PCDHGA3: variants seen among roughly 807,000 people sequenced by gnomAD.
PCDHGA3 encodes protocadherin gamma subfamily A, 3.
A neutral mutation model predicts 58.5 loss-of-function variants in PCDHGA3; 40 were observed. The observed-to-expected ratio is 0.68, with a 90% CI of 0.53 to 0.89. PCDHGA3 has a LOEUF of 0.89. Among genes scored for constraint, PCDHGA3 ranks in the 40% least tolerant of loss-of-function variants. The pLI is 0.00. For missense variants in PCDHGA3, 1,223 were observed against 1,195.9 expected (o/e 1.02, Z -0.33); for synonymous variants, 530 against 525.7 (o/e 1.01, Z -0.11).
chr5:141,364,528 C>A (rs1445482375), intron 1 of PCDHGA3: 2 of 1,613,930 alleles, frequency 1.2e-6, no homozygotes, highest in Non-Finnish European at 1.7e-6. Context: ...GAGTCCGCAT[C>A]GTCTCCAGAG....
chr5:141,485,607 C>T lies in PCDHGA3; in HGVS notation c.2425-9200C>T. On this transcript the variant is annotated intron_variant, in intron 1 of 3. Coordinates refer to ENST00000253812, the MANE Select transcript of PCDHGA3 (RefSeq NM_018916.4). The surrounding 1 kb of genome is among the most constrained non-coding windows in gnomAD (Gnocchi z 5.7). ...CAGCTGGACTTGGAAATTGGGGAGG[C>T]AGCTCCTCCAGGACAGCGTTTCCCG... is the stretch of plus-strand genomic sequence containing the variant. 1 of 1,612,008 alleles carries T rather than the reference C, an allele frequency of 6.2e-7. No individual in the cohort carries two copies. The highest frequency in any genetic ancestry group is 8.5e-7 in the Non-Finnish European group (1 of 1,178,534).
intron 1 of PCDHGA3, chr5:141,384,518 C>A: frequency 1.2e-6 from 2 of 1,614,192 alleles, no homozygotes; most frequent in South Asian, 2.2e-5. Context: ...AGCGGGGACC[C>A]GCCTCTCAGC....
intron 1 of PCDHGA3, chr5:141,351,697 C>A (rs1257912635): frequency 6.2e-7 from 1 of 1,613,970 alleles, no homozygotes; most frequent in Non-Finnish European, 8.5e-7. Flanking sequence ...ATTTGGGACC[C>A]AACGGCAGAG....
At chr5:141,464,883 T>G (rs995385615) in intron 1 of PCDHGA3, among the ~76,000 whole-genome samples, 1 of 152,086 alleles carries the variant, frequency 6.6e-6, no homozygotes, top group African/African-American at 2.4e-5. Flanking sequence ...GGACTACAGA[T>G]GGATGCCACC....
intron 1 of PCDHGA3, chr5:141,365,125 C>A (rs373921082): frequency 1.2e-6 from 2 of 1,613,766 alleles, no homozygotes; most frequent in African/African-American, 1.3e-5. Context: ...TCATGCTAAC[C>A]GCCACGGATC....
chr5:141,474,093 C>G (rs2099341169), intron 1 of PCDHGA3, among the ~76,000 whole-genome samples: 1 of 152,098 alleles, frequency 6.6e-6, no homozygotes, highest in African/African-American at 2.4e-5. Flanking sequence ...AAAAAACAAA[C>G]AACAACAAAA....
chr5:141,421,464 T>A lies in PCDHGA3; in HGVS notation c.2425-73343T>A, dbSNP rs773727821. ...GGAAGACACAGCTTTTCGCTGTGAA[T>A]CCGCGAAGCGGCAGCTTGATCACGG... On this transcript the variant is annotated intron_variant, in intron 1 of 3. Transcript: ENST00000253812. 17 of 1,613,972 alleles carry A rather than the reference T, an allele frequency of 1.1e-5. No individual in the cohort carries two copies. In the East Asian group the frequency reaches 3.6e-4, roughly 34 times the overall value.
chr5:141,384,134 G>A (rs746106528), intron 1 of PCDHGA3: 1 of 1,611,962 alleles, frequency 6.2e-7, no homozygotes, highest in Admixed American at 1.7e-5. Flanking sequence ...AACTTGGACC[G>A]GGAAACACTC....
rs1040272495 is a variant in PCDHGA3, at chr5:141,345,349, C to T, written c.1316C>T (p.Thr439Ile). The T allele has an allele frequency of 3.1e-6, 5 of 1,613,964 alleles. No homozygotes were observed. The highest frequency in any genetic ancestry group is 4.2e-6 in the Non-Finnish European group (5 of 1,179,830). The change falls in exon 1 of 4, where the codon ACC becomes ATC. Residue 439 changes from threonine to isoleucine, a missense_variant. By Grantham distance (89) the Thr-to-Ile change is moderately conservative. Transcript: ENST00000253812. The stretch of plus-strand genomic sequence containing the variant: ...CCACTGTCCACAGAAACTCACATCA[C>T]CCTGCATGTGATTGACATCAATGAC... ...SPPLSTETHI[T>I]LHVIDINDNP...
At chr5:141,351,267 A>G (rs1469509161) in intron 1 of PCDHGA3, 1 of 1,614,032 alleles carries the variant, frequency 6.2e-7, no homozygotes, top group Admixed American at 1.7e-5. Context: ...ATTGTTGACG[A>G]GAATGACAAT....
chr5:141,405,059 G>A (rs374581472), intron 1 of PCDHGA3: 22 of 1,613,900 alleles, frequency 1.4e-5, no homozygotes, highest in Non-Finnish European at 1.9e-5. Flanking sequence ...CGTCTCCTGT[G>A]TCTTCCTCAC....
At chr5:141,418,409 G>C in intron 1 of PCDHGA3, 4 of 1,613,910 alleles carry the variant, frequency 2.5e-6, no homozygotes, top group Admixed American at 1.7e-5. Context: ...GGTGGAGAAA[G>C]ACAATCCTGA....
chr5:141,384,092 T>C, intron 1 of PCDHGA3: 1 of 1,596,242 alleles, frequency 6.3e-7, no homozygotes. Flanking sequence ...GAAAAATCAA[T>C]AGATAATTAT....
intron 1 of PCDHGA3, chr5:141,357,799 A>G: frequency 1.3e-6 from 1 of 798,378 alleles, no homozygotes; most frequent in Non-Finnish European, 1.9e-6. Context: ...CCACACAAAA[A>G]TGTTGTTTAT....
chr5:141,399,360 C>T, intron 1 of PCDHGA3: 1 of 1,613,978 alleles, frequency 6.2e-7, no homozygotes, highest in Non-Finnish European at 8.5e-7. Context: ...GAGAGCAAAC[C>T]CCGGAGTACA....
rs369352283 is a variant in PCDHGA3 at position 141,374,184 on chromosome 5, C to T, written c.2424+27727C>T. On this transcript the variant is annotated intron_variant, in intron 1 of 3. Coordinates refer to ENST00000253812, the MANE Select transcript of PCDHGA3 (RefSeq NM_018916.4). ...GCCGCGGCAGCGCAGATCCGCTACTCTATTCCCGAGGAGCTGGAGAAAGGC... is the reference window on the plus strand; with the variant it reads ...GCCGCGGCAGCGCAGATCCGCTACTTTATTCCCGAGGAGCTGGAGAAAGGC... The T allele has an allele frequency of 5.0e-6, 8 of 1,613,676 alleles. No homozygotes were observed. In the East Asian group the frequency reaches 1.1e-4, roughly 22 times the overall value.
intron 1 of PCDHGA3, chr5:141,362,471 ATCTCG>A: frequency 6.2e-7 from 1 of 1,614,018 alleles, no homozygotes; most frequent in Non-Finnish European, 8.5e-7. Context: ...CCCGCGCAAG[ATCTCG>A]TCTGTGACAA....
rs749759763 is a variant in PCDHGA3 at position 141,384,376 on chromosome 5, G to A, written c.2424+37919G>A. On this transcript the variant is annotated intron_variant, in intron 1 of 3. Coordinates refer to ENST00000253812, the MANE Select transcript of PCDHGA3 (RefSeq NM_018916.4). ...TGCCCAGATCACTTATTCCTTGGCCGAAGACACCATCCAGGGGGCTCCAGT... is the reference window on the plus strand; with the variant it reads ...TGCCCAGATCACTTATTCCTTGGCCAAAGACACCATCCAGGGGGCTCCAGT... 10 of 1,613,786 alleles carry A rather than the reference G, an allele frequency of 6.2e-6. No individual in the cohort carries two copies. In the African/African-American group the frequency reaches 8.0e-5, roughly 13 times the overall value.
chr5:141,454,842 C>T lies in PCDHGA3; in HGVS notation c.2425-39965C>T, dbSNP rs543795114. 1.2e-4 allele frequency among the ~76,000 whole-genome samples: 12 copies of T among 101,680 alleles called. No homozygotes were observed. The East Asian group carries it at 3.9e-3, about 33-fold the overall frequency. 66.7% of individuals were successfully genotyped at this position (101,680 alleles called of 152,430 possible). ...TTTTTTTTTGAGACAGAGTCGCGCTCTGTCACCCAGGCTGGAGTGCAGTGG... is the reference window on the plus strand; with the variant it reads ...TTTTTTTTTGAGACAGAGTCGCGCTTTGTCACCCAGGCTGGAGTGCAGTGG... On this transcript the variant is annotated intron_variant, in intron 1 of 3. Coordinates refer to ENST00000253812, the MANE Select transcript of PCDHGA3 (RefSeq NM_018916.4).
Sources: gnomAD v4.1 joint callset for allele counts (sites outside exome capture counted in the v4.1 genomes callset) on GRCh38, gnomAD v4.1.1 for gene constraint, Gnocchi (gnomAD v3.1) non-coding constraint, MANE v1.5 for transcripts, NCBI Gene and HGNC (gene_info 2026-07-23, HGNC 2026-07-21) for gene names.